VAV3: variants seen among roughly 807,000 people sequenced by gnomAD.
The protein encoded by VAV3 is guanine nucleotide exchange factor VAV3.
A neutral mutation model predicts 131.2 loss-of-function variants in VAV3; 94 were observed. The observed-to-expected ratio is 0.72, with a 90% CI of 0.61 to 0.85. VAV3 has a LOEUF of 0.85. Among genes scored for constraint, VAV3 ranks in the 40% least tolerant of loss-of-function variants. The pLI is 0.00. For missense variants in VAV3, 939 were observed against 1,002.7 expected (o/e 0.94, Z 0.86); for synonymous variants, 349 against 342.0 (o/e 1.02, Z -0.22).
chr1:107,905,033 G>C (rs1206878586), intron 1 of VAV3, among the ~76,000 whole-genome samples: 1 of 152,170 alleles, frequency 6.6e-6, no homozygotes. Flanking sequence ...CCTTAAGGAA[G>C]AAATCTTCCT....
chr1:107,797,817 T>G (rs1666618090), intron 2 of VAV3, among the ~76,000 whole-genome samples: 1 of 152,182 alleles, frequency 6.6e-6, no homozygotes, highest in African/African-American at 2.4e-5. Flanking sequence ...TCCTCAAACC[T>G]TATCCTGCAC....
At chr1:107,757,149 G>GTA (rs914068206) in intron 11 of VAV3, 112 bp downstream of exon 11, 3 of 668,368 alleles carry the variant, frequency 4.5e-6, no homozygotes, top group South Asian at 2.1e-5. Flanking sequence ...ATATATGTGT[G>GTA]TATATGTGTG....
At chr1:107,735,048 G>GA (rs775594244) in intron 15 of VAV3, among the ~76,000 whole-genome samples, 1 of 152,236 alleles carries the variant, frequency 6.6e-6, no homozygotes, top group African/African-American at 2.4e-5. Flanking sequence ...TCAGGATTAA[G>GA]AAACTCACAC....
intron 1 of VAV3, among the ~76,000 whole-genome samples, chr1:107,926,836 T>C (rs1673182141): frequency 6.6e-6 from 1 of 152,090 alleles, no homozygotes; most frequent in African/African-American, 2.4e-5. Flanking sequence ...TAAAGTGCTC[T>C]AGGGCCCAAC....
chr1:107,673,467 T>C (rs1224760509), intron 19 of VAV3: 1 of 152,396 alleles, frequency 6.6e-6, no homozygotes, highest in Non-Finnish European at 1.5e-5. Context: ...TTAGATGCTG[T>C]TGATCCCTGC....
intron 19 of VAV3, among the ~76,000 whole-genome samples, chr1:107,646,242 A>G (rs1655729326): frequency 6.6e-6 from 1 of 152,098 alleles, no homozygotes; most frequent in Admixed American, 6.6e-5. Context: ...AAAAATGACA[A>G]GAAATACACA....
chr1:107,640,900 C>T (rs75488558), intron 20 of VAV3, among the ~76,000 whole-genome samples: 6,384 of 152,002 alleles, frequency 0.042, 176 homozygotes, highest in Middle Eastern at 0.088. Flanking sequence ...AGAAAATGAG[C>T]CAGTGGAGAG....
At chr1:107,860,548 A>T (rs1319698056) in intron 2 of VAV3, among the ~76,000 whole-genome samples, 1 of 151,470 alleles carries the variant, frequency 6.6e-6, no homozygotes, top group Non-Finnish European at 1.5e-5. Flanking sequence ...GTAATCCTCA[A>T]ACCACTTGGT....
At chr1:107,822,072 G>A (rs1667815900) in intron 2 of VAV3, among the ~76,000 whole-genome samples, 1 of 152,076 alleles carries the variant, frequency 6.6e-6, no homozygotes, top group Non-Finnish European at 1.5e-5. Flanking sequence ...GTGCCTTTGT[G>A]GGCAGGACTA....
chr1:107,670,310 C>G (rs1370997904), intron 19 of VAV3, among the ~76,000 whole-genome samples: 4 of 152,118 alleles, frequency 2.6e-5, no homozygotes, highest in Admixed American at 2.6e-4. Context: ...GTAACAAAGC[C>G]AAGAATCTGG....
chr1:107,702,808 AAAAC>A (rs924196644), intron 17 of VAV3, among the ~76,000 whole-genome samples: 3 of 142,424 alleles, frequency 2.1e-5, no homozygotes, highest in African/African-American at 8.1e-5. Flanking sequence ...AAAAAAAAAA[AAAAC>A]CTGATTTTTC....
chr1:107,837,111 A>AG (rs1668513487), intron 2 of VAV3, among the ~76,000 whole-genome samples: 1 of 151,992 alleles, frequency 6.6e-6, no homozygotes, highest in South Asian at 2.1e-4. Flanking sequence ...GCAAAAAAAA[A>AG]CAAAACGAAA....
intron 2 of VAV3, chr1:107,820,811 T>C (rs1020511954): frequency 2.6e-5 from 4 of 152,170 alleles, no homozygotes; most frequent in Non-Finnish European, 5.9e-5. Context: ...CACCCATTTT[T>C]AAAAGTCTTT....
chr1:107,602,305 G>T, intron 24 of VAV3, 92 bp downstream of exon 24: 2 of 912,110 alleles, frequency 2.2e-6, no homozygotes, highest in Non-Finnish European at 3.1e-6. Context: ...TTTTCAGTGA[G>T]CAAAATTTCC....
chr1:107,665,485 T>G (rs915646301), intron 19 of VAV3, among the ~76,000 whole-genome samples: 7 of 152,156 alleles, frequency 4.6e-5, no homozygotes, highest in Non-Finnish European at 8.8e-5. Flanking sequence ...CTAAACACTT[T>G]TGTGTGAAGG....
rs1179526620 is a variant in VAV3, at chr1:107,631,107, G to A, written c.1914+11512C>T. ...AATCATACACTAATTTGTCAAAAAG[G>A]TACCCCTTATTTGGTAACTATCAAA... On this transcript the variant is annotated intron_variant, in intron 20 of 26. Coordinates refer to ENST00000370056, the MANE Select transcript of VAV3 (RefSeq NM_006113.5). Among the ~76,000 whole-genome samples, 4 of 152,026 alleles carry A rather than the reference G, an allele frequency of 2.6e-5. No individual in the cohort carries two copies. In the East Asian group the frequency reaches 7.7e-4, roughly 29 times the overall value.
rs1659194562 is a variant in VAV3, at chr1:107,688,529, A to G, written c.1706-123T>C. On this transcript the variant is annotated intron_variant, in intron 17 of 26. Coordinates refer to ENST00000370056, the MANE Select transcript of VAV3 (RefSeq NM_006113.5). The stretch of plus-strand genomic sequence containing the variant: ...TGTTTTCTTAACTGATACCTGTAAT[A>G]TATTTCCACGGTCCCTCAGGCTGGG... 5.8e-6 allele frequency: 9 copies of G among 1,548,894 alleles called. No homozygotes were observed. In the African/African-American group the frequency reaches 8.3e-5, roughly 14 times the overall value.
intron 1 of VAV3, among the ~76,000 whole-genome samples, chr1:107,888,673 G>T (rs1420748025): frequency 6.6e-6 from 1 of 152,024 alleles, no homozygotes; most frequent in Non-Finnish European, 1.5e-5. Flanking sequence ...TGGCCAGGCT[G>T]GTCTCGAACT....
At chr1:107,768,169 C>G (rs1664839369) in intron 7 of VAV3, among the ~76,000 whole-genome samples, 1 of 152,138 alleles carries the variant, frequency 6.6e-6, no homozygotes, top group Admixed American at 6.5e-5. Flanking sequence ...TTGAGACTAC[C>G]TCTTCATGAC....
Sources: gnomAD v4.1 joint callset for allele counts (sites outside exome capture counted in the v4.1 genomes callset) on GRCh38, gnomAD v4.1.1 for gene constraint, MANE v1.5 for transcripts, NCBI Gene and HGNC (gene_info 2026-07-23, HGNC 2026-07-21) for gene names.